Variants in SMN2 observed in about 807,000 individuals in gnomAD.
SMN2 encodes survival motor neuron protein.
In SMN2, 1 loss-of-function variant was observed where a neutral mutation model predicts 2.8. The observed-to-expected ratio is 0.35, with a 90% CI of 0.13 to 1.68. SMN2 has a LOEUF of 1.68. SMN2 is among the 40% of genes most tolerant of loss of function. The pLI is 0.35. For synonymous variants in SMN2, 5 were observed against 5.0 expected (o/e 0.99, Z 0.01); for missense variants, 12 against 16.9 (o/e 0.71, Z 0.51).
At chr5:70,079,296 G>C (rs1774816493), downstream of SMN2, among the ~76,000 whole-genome samples, 3 of 145,674 alleles carry the variant, frequency 2.1e-5, no homozygotes, top group South Asian at 6.3e-4. Context: ...AGCCCGGCAT[G>C]GTGGCACGCC....
At chr5:70,080,995 G>T (rs1458381711), downstream of SMN2, among the ~76,000 whole-genome samples, 6 of 105,452 alleles carry the variant, frequency 5.7e-5, no homozygotes, top group African/African-American at 1.9e-4. Context: ...TATGGTTTTA[G>T]GTCTAACATT....
the SMN2 span, among the ~76,000 whole-genome samples, chr5:70,084,589 C>G: frequency 7.3e-6 from 1 of 136,490 alleles, no homozygotes; most frequent in Non-Finnish European, 1.5e-5. Context: ...GCAAAATAGC[C>G]AATAATTTAT....
At chr5:70,085,305 A>G in the SMN2 span, among the ~76,000 whole-genome samples, 1 of 129,754 alleles carries the variant, frequency 7.7e-6, no homozygotes, top group East Asian at 2.2e-4. Flanking sequence ...GCAATGGCAT[A>G]ATCTCGGCTC....
intron 8 of SMN2, 104 bp downstream of exon 8, chr5:70,076,678 G>A (rs912462160): frequency 1.4e-6 from 2 of 1,391,814 alleles, no homozygotes; most frequent in South Asian, 2.5e-5. Flanking sequence ...ATGTTAGAAA[G>A]TTGAAAGGTT....
chr5:70,071,749 C>G (rs1451963684), intron 7 of SMN2, among the ~76,000 whole-genome samples: 2 of 151,940 alleles, frequency 1.3e-5, no homozygotes, highest in African/African-American at 4.8e-5. Context: ...CGTGATCCAC[C>G]CGCCTCGGCC....
intron 7 of SMN2, among the ~76,000 whole-genome samples, chr5:70,075,984 G>C (rs1774740056): frequency 7.9e-6 from 1 of 126,160 alleles, no homozygotes; most frequent in South Asian, 2.3e-4. Flanking sequence ...CTCCCAAGTA[G>C]CTGGGATTAG....
At chr5:70,071,416 G>A (rs1409268136) in intron 7 of SMN2, 2 of 127,040 alleles carry the variant, frequency 1.6e-5, no homozygotes, top group Admixed American at 8.3e-5. Flanking sequence ...TTGAACCTTG[G>A]GGAGTATGGC....
At chr5:70,084,378 G>A in the SMN2 span, among the ~76,000 whole-genome samples, 5 of 114,242 alleles carry the variant, frequency 4.4e-5, no homozygotes, top group African/African-American at 2.1e-4. Context: ...TAGTAGAGAC[G>A]GGGTTTCACC....
intron 8 of SMN2, 137 bp downstream of exon 8, chr5:70,076,711 A>T (rs1774766759): frequency 2.4e-6 from 3 of 1,263,192 alleles, no homozygotes; most frequent in Admixed American, 5.9e-5. Context: ...TCAATATTAA[A>T]GAATTTTGAT....
chr5:70,068,134 A>G (rs1233631558), intron 5 of SMN2, among the ~76,000 whole-genome samples: 1 of 2,590 alleles, frequency 3.9e-4, no homozygotes, highest in Non-Finnish European at 5.3e-4. Context: ...ATAAGAACAC[A>G]TTATTTACAT....
chr5:70,071,498 AT>A (rs1447436434), intron 7 of SMN2: 1 of 122,862 alleles, frequency 8.1e-6, no homozygotes, highest in Non-Finnish European at 1.7e-5. Context: ...AACATTTAAA[AT>A]TATTTTATTT....
chr5:70,071,378 AC>A (rs1193935137), intron 7 of SMN2: 1 of 117,140 alleles, frequency 8.5e-6, no homozygotes, highest in Non-Finnish European at 1.8e-5. Flanking sequence ...TTTTTAATGC[AC>A]AAAGATCTGG....
downstream of SMN2, among the ~76,000 whole-genome samples, chr5:70,079,591 T>G (rs1774826348): frequency 7.3e-6 from 1 of 137,012 alleles, no homozygotes; most frequent in Non-Finnish European, 1.5e-5. Flanking sequence ...CCCCTGACTC[T>G]ACAAAACATG....
In SMN2 at chr5:70,075,103, A is replaced by G. The variant is rs1283958687; in HGVS notation, c.835-1418A>G. 4.3e-5 allele frequency among the ~76,000 whole-genome samples: 5 copies of G among 116,408 alleles called. 1 individual carries two copies. The highest frequency in any genetic ancestry group is 1.1e-4 in the African/African-American group (3 of 27,374). The allele number at this position is 116,408 out of a possible 152,430, so 76.4% of individuals were successfully genotyped here. A position where few individuals can be genotyped will look rare whatever the true frequency, so the allele number is the denominator to read the frequency against. ...GGGTGCAATGGTGCAATCTCGGCTCACTGCAACCTCCGCCTCCTGGGTTCA... is the reference window on the plus strand; with the variant it reads ...GGGTGCAATGGTGCAATCTCGGCTCGCTGCAACCTCCGCCTCCTGGGTTCA... On this transcript the variant is annotated intron_variant, in intron 7 of 8. Transcript: ENST00000380743.
downstream of SMN2, among the ~76,000 whole-genome samples, chr5:70,080,263 G>A (rs540819838): frequency 1.2e-4 from 17 of 136,220 alleles, 2 homozygotes; most frequent in Admixed American, 2.2e-4. Flanking sequence ...CCCAGGAGGC[G>A]GAGGTTGCAG....
In SMN2 at chr5:70,074,725, GC is replaced by G. The variant is rs1774689744; in HGVS notation, c.835-1795del. 3.1e-5 allele frequency among the ~76,000 whole-genome samples: 4 copies of G among 129,234 alleles called. 1 individual carries two copies. Among genetic ancestry groups the G allele is most frequent in the African/African-American group, 1.2e-4 (4 of 32,676 alleles). 84.8% of individuals were successfully genotyped at this position (129,234 alleles called of 152,430 possible). On this transcript the variant is annotated intron_variant, in intron 7 of 8. Coordinates refer to ENST00000380743, the MANE Select transcript of SMN2 (RefSeq NM_017411.4). ...GAAGAAAAATCAGCTGGGCGCAGTG[GC>G]TCACGCCGGTAATCCCAACACTTTG...
downstream of SMN2, among the ~76,000 whole-genome samples, chr5:70,079,450 AAC>A (rs1774822261): frequency 6.7e-6 from 1 of 149,430 alleles, no homozygotes; most frequent in African/African-American, 2.5e-5. Flanking sequence ...AAAAAAAAAA[AAC>A]ACGTTACTAA....
downstream of SMN2, among the ~76,000 whole-genome samples, chr5:70,083,441 C>G (rs1379015406): frequency 3.7e-5 from 5 of 136,102 alleles, 1 homozygote; most frequent in African/African-American, 6.3e-5. Flanking sequence ...ACCCAGCCAT[C>G]CCATTACTGG....
At chr5:70,070,224 C>T (rs1211237222) in intron 6 of SMN2, among the ~76,000 whole-genome samples, 2 of 108,582 alleles carry the variant, frequency 1.8e-5, no homozygotes, top group Non-Finnish European at 3.6e-5. Flanking sequence ...TTTTTTTACT[C>T]ATAGCTTCAT....
Sources: gnomAD v4.1 joint callset for allele counts (sites outside exome capture counted in the v4.1 genomes callset) on GRCh38, gnomAD v4.1.1 for gene constraint, MANE v1.5 for transcripts, NCBI Gene and HGNC (gene_info 2026-07-23, HGNC 2026-07-21) for gene names.